Variants in GRID1 observed in about 807,000 individuals in gnomAD.
GRID1 encodes glutamate ionotropic receptor delta type subunit 1, also known as glutamate receptor ionotropic, delta-1.
A neutral mutation model predicts 98.0 loss-of-function variants in GRID1; 28 were observed. That is an observed-to-expected ratio of 0.29 (90% CI 0.21 to 0.39). The LOEUF (loss-of-function observed/expected upper bound fraction) is 0.39, where lower values mean the gene tolerates loss of function less well. Among genes scored for constraint, GRID1 ranks in the 10% least tolerant of loss-of-function variants. The pLI is 1.00. For missense variants in GRID1, 1,111 were observed against 1,340.5 expected, an observed-to-expected ratio of 0.83 and a Z score of 2.67; for synonymous variants, 553 against 538.5, an observed-to-expected ratio of 1.03 and a Z score of -0.37.
intron 3 of GRID1, among the ~76,000 whole-genome samples, chr10:86,150,661 C>T (rs1260008307): frequency 6.6e-6 from 1 of 152,138 alleles, no homozygotes. Context: ...TTGTGCTCCC[C>T]CAAAATTCAT....
chr10:86,109,279 A>C (rs1167982149), intron 4 of GRID1, among the ~76,000 whole-genome samples: 1 of 152,256 alleles, frequency 6.6e-6, no homozygotes, highest in Admixed American at 6.5e-5. Context: ...GGAAAGAGCA[A>C]ATCTGACGTG....
rs545951839 is a variant in GRID1 at position 86,035,058 on chromosome 10, T to C, written c.726+103761A>G. Among the ~76,000 whole-genome samples, 88 of 143,132 alleles carry C rather than the reference T, an allele frequency of 6.1e-4. 1 individual carries two copies. The Middle Eastern group carries it at 0.011, about 17-fold the overall frequency. The allele number at this position is 143,132 out of a possible 152,430, so 93.9% of individuals were successfully genotyped here. On this transcript the variant is annotated intron_variant, in intron 4 of 15. Coordinates refer to ENST00000327946, the MANE Select transcript of GRID1 (RefSeq NM_017551.3). ...AGGATCTAGGCTCCAGGGAGCACAG[T>C]CATTTGGAAAGGAGGTTTTTGGGAC...
At chr10:86,017,327 G>A (rs1842992474) in intron 4 of GRID1, among the ~76,000 whole-genome samples, 1 of 152,194 alleles carries the variant, frequency 6.6e-6, no homozygotes, top group South Asian at 2.1e-4. Flanking sequence ...TGGGCAGTGT[G>A]ACCAGGCACA....
chr10:85,714,160 A>G (rs1841612308), intron 12 of GRID1, among the ~76,000 whole-genome samples: 1 of 150,200 alleles, frequency 6.7e-6, no homozygotes, highest in African/African-American at 2.5e-5. Context: ...AGGAACAGAA[A>G]ACTAAATACC....
intron 4 of GRID1, among the ~76,000 whole-genome samples, chr10:85,982,303 T>A (rs920486428): frequency 6.6e-6 from 1 of 152,166 alleles, no homozygotes; most frequent in African/African-American, 2.4e-5. Context: ...CATCATGTTG[T>A]ACACCTTAAA....
intron 2 of GRID1, among the ~76,000 whole-genome samples, chr10:86,266,622 G>A (rs982160427): frequency 1.3e-5 from 2 of 152,192 alleles, no homozygotes; most frequent in Non-Finnish European, 2.9e-5. Flanking sequence ...GCTCAGAGCC[G>A]CCAGGCCCAA....
chr10:86,191,929 A>G (rs2607829), intron 3 of GRID1, among the ~76,000 whole-genome samples: 44,328 of 151,994 alleles, frequency 0.29, 6,682 homozygotes, highest in East Asian at 0.48. Flanking sequence ...GCTGGGACAC[A>G]GAGGTCTTGA....
Position 86,145,726 on chromosome 10 carries a change from G to A in GRID1, c.521-6702C>T, listed in dbSNP as rs577614401. Among the ~76,000 whole-genome samples the A allele has an allele frequency of 1.7e-4, 26 of 152,198 alleles. No individual in the cohort carries two copies. In the East Asian group the frequency reaches 3.1e-3, roughly 18 times the overall value. ...AATAATATTAAACAATATTAATAAC[G>A]TTAAATCATAATATATGGGTAACAG... On this transcript the variant is annotated intron_variant, in intron 3 of 15. Transcript: ENST00000327946.
Position 86,091,102 on chromosome 10 carries a change from T to G in GRID1, c.726+47717A>C, listed in dbSNP as rs182351462. ...GGGAGAAGGAATTCTCTAGCTGAACTTTTTAACAATTTGAGCGGGGTGAGA... is the reference window on the plus strand; with the variant it reads ...GGGAGAAGGAATTCTCTAGCTGAACGTTTTAACAATTTGAGCGGGGTGAGA... On this transcript the variant is annotated intron_variant, in intron 4 of 15. Coordinates refer to ENST00000327946, the MANE Select transcript of GRID1 (RefSeq NM_017551.3). Among the ~76,000 whole-genome samples, 13 of 152,274 alleles carry G rather than the reference T, an allele frequency of 8.5e-5. No individual in the cohort carries two copies. The East Asian group carries it at 2.3e-3, about 27-fold the overall frequency.
chr10:85,865,965 AG>A (rs1564613344), intron 6 of GRID1, among the ~76,000 whole-genome samples: 10 of 83,330 alleles, frequency 1.2e-4, no homozygotes, highest in Non-Finnish European at 2.5e-4. Context: ...GGAGAGAGAG[AG>A]AGAGAGAGAG....
chr10:85,973,738 C>T (rs528181167), intron 4 of GRID1, among the ~76,000 whole-genome samples: 1 of 152,066 alleles, frequency 6.6e-6, no homozygotes, highest in Non-Finnish European at 1.5e-5. Flanking sequence ...TGAGAATAGA[C>T]TTTTTAAGTA....
chr10:85,932,966 G>A (rs1014376392), intron 4 of GRID1, among the ~76,000 whole-genome samples: 21 of 152,242 alleles, frequency 1.4e-4, no homozygotes, highest in South Asian at 6.2e-4. Flanking sequence ...GCTATGGTTC[G>A]AATGTATCCC....
intron 13 of GRID1, among the ~76,000 whole-genome samples, chr10:85,630,536 A>T (rs1307799184): frequency 6.6e-6 from 1 of 152,228 alleles, no homozygotes; most frequent in East Asian, 1.9e-4. Context: ...AATTAGAAAA[A>T]CTGTTAGACT....
chr10:86,215,772 T>C (rs1846168729), intron 2 of GRID1, among the ~76,000 whole-genome samples: 1 of 152,078 alleles, frequency 6.6e-6, no homozygotes, highest in South Asian at 2.1e-4. Flanking sequence ...AGCCAACTGG[T>C]CTCCCTGCCT....
At chr10:85,830,450 T>C (rs1040249675) in intron 8 of GRID1, among the ~76,000 whole-genome samples, 3 of 151,724 alleles carry the variant, frequency 2.0e-5, no homozygotes, top group Non-Finnish European at 4.4e-5. Context: ...AAACAAAAAT[T>C]GACAAAGGAG....
chr10:86,006,402 T>C (rs1384052541), intron 4 of GRID1, among the ~76,000 whole-genome samples: 1 of 152,126 alleles, frequency 6.6e-6, no homozygotes, highest in Non-Finnish European at 1.5e-5. Flanking sequence ...GAGCGGATCA[T>C]GAGGTCAAGA....
intron 12 of GRID1, among the ~76,000 whole-genome samples, chr10:85,703,342 A>G (rs1841474750): frequency 6.6e-6 from 1 of 152,162 alleles, no homozygotes; most frequent in Admixed American, 6.6e-5. Context: ...AACATTCAAC[A>G]ATCATTAAAA....
At chr10:85,925,216 G>T (rs1468673349) in intron 4 of GRID1, among the ~76,000 whole-genome samples, 1 of 152,146 alleles carries the variant, frequency 6.6e-6, no homozygotes, top group East Asian at 1.9e-4. Flanking sequence ...GGCCCCCCAT[G>T]TTCTTGTTCT....
intron 8 of GRID1, among the ~76,000 whole-genome samples, chr10:85,766,258 T>G (rs1014578853): frequency 2.6e-5 from 4 of 152,222 alleles, no homozygotes; most frequent in African/African-American, 9.6e-5. Context: ...GACTGAGGCG[T>G]GAGGACTGCA....
Sources: gnomAD v4.1 joint callset for allele counts (sites outside exome capture counted in the v4.1 genomes callset) on GRCh38, gnomAD v4.1.1 for gene constraint, MANE v1.5 for transcripts, NCBI Gene and HGNC (gene_info 2026-07-23, HGNC 2026-07-21) for gene names.